TMEM242: variants seen among roughly 807,000 people sequenced by gnomAD.
TMEM242 encodes UPF0463 transmembrane protein C6orf35.
TMEM242 carries 10 observed loss-of-function variants against 18.2 expected under a neutral mutation model. The observed-to-expected ratio is 0.55, with a 90% CI of 0.34 to 0.93. The LOEUF is 0.93. Ranked by LOEUF, TMEM242 falls within the 40% of genes least tolerant of loss-of-function variation. The pLI is 0.02. For missense variants in TMEM242, 186 were observed against 175.5 expected (o/e 1.06, Z -0.34); for synonymous variants, 57 against 69.9 (o/e 0.81, Z 0.92).
At chr6:157,314,279 C>G (rs1554250083) in intron 3 of TMEM242, among the ~76,000 whole-genome samples, 2 of 147,360 alleles carry the variant, frequency 1.4e-5, no homozygotes. Flanking sequence ...CACCTGGCCT[C>G]ATCATAGTGT....
At position 157,305,138 on chromosome 6, in the gene TMEM242, G is replaced by C. The variant is rs1249117053; in HGVS notation, c.328-12139C>G. The stretch of plus-strand genomic sequence containing the variant: ...GCTGCTGTGTGGAGAAAAAATTCTA[G>C]AAGGAATAAGGAAGAGGCCGGGAAA... On this transcript the variant is annotated intron_variant, in intron 3 of 3. Coordinates refer to ENST00000400788, the MANE Select transcript of TMEM242 (RefSeq NM_018452.6). The surrounding 1 kb of genome is among the most constrained non-coding windows in gnomAD (Gnocchi z 4.1). Among the ~76,000 whole-genome samples the C allele has an allele frequency of 1.3e-5, 2 of 152,126 alleles. No individual in the cohort carries two copies. The highest frequency in any genetic ancestry group is 4.8e-5 in the African/African-American group (2 of 41,404).
intron 3 of TMEM242, among the ~76,000 whole-genome samples, chr6:157,298,331 CCAAA>C (rs1554247289): frequency 6.6e-6 from 1 of 152,212 alleles, no homozygotes; most frequent in Non-Finnish European, 1.5e-5. Flanking sequence ...CCTTTCCCGG[CCAAA>C]CAAACAACAG....
At chr6:157,311,001 C>CATCAGTTT (rs1158651894) in intron 3 of TMEM242, among the ~76,000 whole-genome samples, 1 of 1,556 alleles carries the variant, frequency 6.4e-4, no homozygotes, top group African/African-American at 4.2e-3. Flanking sequence ...AACCTAGCCT[C>CATCAGTTT]CCCAGTGTGC....
chr6:157,318,745 A>G (rs1554250551), intron 3 of TMEM242, 37 bp downstream of exon 3: 1 of 1,612,144 alleles, frequency 6.2e-7, no homozygotes, highest in Non-Finnish European at 8.5e-7. Context: ...AGCAGAATAA[A>G]CATGTAGATA....
At chr6:157,309,984 C>G (rs1467661234) in intron 3 of TMEM242, among the ~76,000 whole-genome samples, 1 of 152,154 alleles carries the variant, frequency 6.6e-6, no homozygotes, top group African/African-American at 2.4e-5. Context: ...ACCACCTCCC[C>G]ACAAACATAG....
chr6:157,306,448 C>T (rs1384818234), intron 3 of TMEM242, among the ~76,000 whole-genome samples: 4 of 152,186 alleles, frequency 2.6e-5, no homozygotes, highest in Admixed American at 2.6e-4. Flanking sequence ...CCTGGCTTTT[C>T]TGTCTGGGCA....
At chr6:157,322,861 G>A in intron 1 of TMEM242, 56 bp from the exon 2 acceptor site, 4 of 1,441,548 alleles carry the variant, frequency 2.8e-6, no homozygotes, top group Admixed American at 1.9e-5. Context: ...ATAAAAAGAG[G>A]TTAAAAAGAT....
intron 3 of TMEM242, among the ~76,000 whole-genome samples, chr6:157,313,037 C>CTATTAT (rs1778236590): frequency 6.6e-6 from 1 of 152,024 alleles, no homozygotes; most frequent in Admixed American, 6.5e-5. Flanking sequence ...TCATAGTGTC[C>CTATTAT]CAGTGTGCAC....
chr6:157,308,533 A>C (rs1415096111), intron 3 of TMEM242, among the ~76,000 whole-genome samples: 1 of 152,246 alleles, frequency 6.6e-6, no homozygotes, highest in African/African-American at 2.4e-5. Context: ...GTCCATTTAT[A>C]GAGACATATT....
At chr6:157,295,129 A>G (rs587691095) in intron 3 of TMEM242, among the ~76,000 whole-genome samples, 3 of 152,320 alleles carry the variant, frequency 2.0e-5, no homozygotes, top group South Asian at 2.1e-4. Context: ...TTATAGCTAT[A>G]TATCTTTTTA....
chr6:157,319,354 CAT>C (rs1778457966), intron 2 of TMEM242, among the ~76,000 whole-genome samples: 1 of 152,206 alleles, frequency 6.6e-6, no homozygotes, highest in East Asian at 1.9e-4. Flanking sequence ...ACCAAATAGA[CAT>C]ATAATACATG....
intron 3 of TMEM242, among the ~76,000 whole-genome samples, chr6:157,309,975 C>T (rs1433445370): frequency 6.6e-6 from 1 of 152,144 alleles, no homozygotes; most frequent in East Asian, 1.9e-4. Context: ...TTTGAGATAA[C>T]CACCTCCCCA....
Position 157,305,586 on chromosome 6 carries a change from G to C in TMEM242, c.328-12587C>G, listed in dbSNP as rs184429462. On this transcript the variant is annotated intron_variant, in intron 3 of 3. Coordinates refer to ENST00000400788, the MANE Select transcript of TMEM242 (RefSeq NM_018452.6). This position sits in a 1 kb window ranked among gnomAD's most constrained non-coding sequence, Gnocchi z 4.1. ...TGTTTTAAAGTGGCAGGGACTGGACGAAAGAGCCAAGGGGCGGAGGATAGA... is the reference window on the plus strand; with the variant it reads ...TGTTTTAAAGTGGCAGGGACTGGACCAAAGAGCCAAGGGGCGGAGGATAGA... Among the ~76,000 whole-genome samples, 1 of 152,198 alleles carries C rather than the reference G, an allele frequency of 6.6e-6. No homozygotes were observed. The highest frequency in any genetic ancestry group is 1.5e-5 in the Non-Finnish European group (1 of 68,036).
At chr6:157,302,794 G>A (rs782778667) in intron 3 of TMEM242, among the ~76,000 whole-genome samples, 1 of 152,144 alleles carries the variant, frequency 6.6e-6, no homozygotes, top group Non-Finnish European at 1.5e-5. Flanking sequence ...TATTCAAAAC[G>A]CAGTACAGTA....
intron 3 of TMEM242, among the ~76,000 whole-genome samples, chr6:157,313,147 C>A (rs1554249638): frequency 7.4e-6 from 1 of 135,628 alleles, no homozygotes; most frequent in East Asian, 2.2e-4. Flanking sequence ...TCCCAGTGTG[C>A]GCTCACCTGG....
At chr6:157,316,554 A>G (rs1778395194) in intron 3 of TMEM242, among the ~76,000 whole-genome samples, 1 of 152,182 alleles carries the variant, frequency 6.6e-6, no homozygotes, top group Non-Finnish European at 1.5e-5. Flanking sequence ...CATTACAAAC[A>G]ATGATTAGCC....
At chr6:157,300,713 G>T (rs1368979008) in intron 3 of TMEM242, among the ~76,000 whole-genome samples, 2 of 152,210 alleles carry the variant, frequency 1.3e-5, no homozygotes, top group African/African-American at 4.8e-5. Flanking sequence ...GAGCAGGGTA[G>T]GGGCCCGCTG....
intron 3 of TMEM242, among the ~76,000 whole-genome samples, chr6:157,312,875 C>T (rs1554249476): frequency 2.6e-3 from 392 of 151,748 alleles, no homozygotes; most frequent in African/African-American, 9.2e-3. Context: ...TCCCAGTGTG[C>T]ACTCACCTAG....
intron 3 of TMEM242, among the ~76,000 whole-genome samples, chr6:157,307,815 A>G (rs1394923083): frequency 6.6e-6 from 1 of 152,140 alleles, no homozygotes; most frequent in Non-Finnish European, 1.5e-5. Flanking sequence ...GATCGTGATG[A>G]CTGTTCTGAG....
Sources: allele counts gnomAD v4.1 joint callset (sites outside exome capture counted in the v4.1 genomes callset), GRCh38; gene constraint gnomAD v4.1.1; non-coding constraint Gnocchi (gnomAD v3.1); transcripts MANE v1.5; gene names NCBI Gene and HGNC (gene_info 2026-07-23, HGNC 2026-07-21).